The following CHRNG variants were observed in gnomAD, a reference collection of about 807,000 sequenced individuals.
CHRNG encodes acetylcholine receptor subunit gamma.
A neutral mutation model predicts 65.2 loss-of-function variants in CHRNG; 72 were observed. The observed-to-expected ratio is 1.10, with a 90% CI of 0.91 to 1.34. The LOEUF is 1.34. Ranked by LOEUF, CHRNG falls within the 40% of genes most tolerant of loss-of-function variation. The probability of loss-of-function intolerance (pLI) is 0.00; values close to 1 mark genes in which losing one functional copy is unlikely to be tolerated. For synonymous variants in CHRNG, 284 were observed against 290.2 expected (o/e 0.98, Z 0.22); for missense variants, 637 against 680.1 (o/e 0.94, Z 0.70).
chr2:232,540,269 T>TG lies in CHRNG; in HGVS notation c.196-106dup. On this transcript the variant is annotated intron_variant, in intron 2 of 11. Coordinates refer to ENST00000651502, the MANE Select transcript of CHRNG (RefSeq NM_005199.5). This position sits in a 1 kb window ranked among gnomAD's most constrained non-coding sequence, Gnocchi z 4.2. ...GGGGTCTGGAAAACCCCCATGGTTGTGGGGGGAGTACTATCAAGAGGCTGG... is the reference window on the plus strand; with the variant it reads ...GGGGTCTGGAAAACCCCCATGGTTGTGGGGGGGAGTACTATCAAGAGGCTGG... 2 of 1,597,810 alleles carry TG rather than the reference T, an allele frequency of 1.3e-6. No homozygotes were observed. The highest frequency in any genetic ancestry group is 1.7e-6 in the Non-Finnish European group (2 of 1,165,816).
chr2:232,544,895 T>G lies in CHRNG; in HGVS notation c.1373T>G (p.Phe458Cys), dbSNP rs140836265. ...IACARHQQSHFDNGNEEWFLV... is the reference protein window; with the variant it reads ...IACARHQQSHCDNGNEEWFLV... ...TGTGCCCGGCACCAGCAGAGTCACT[T>G]TGACAATGTAAGCTGAGTCAGGGTG... The change falls in exon 11 of 12, where the codon TTT becomes TGT. Residue 458 changes from phenylalanine to cysteine, a missense_variant. Coordinates refer to ENST00000651502, the MANE Select transcript of CHRNG (RefSeq NM_005199.5). 15 of 1,613,838 alleles carry G rather than the reference T, an allele frequency of 9.3e-6. No homozygotes were observed. The African/African-American group carries it at 1.9e-4, about 20-fold the overall frequency.
chr2:232,545,783 G>T lies in CHRNG; in HGVS notation c.*67G>T. 6.4e-7 allele frequency: 1 copy of T among 1,551,832 alleles called. No individual in the cohort carries two copies. The stretch of plus-strand genomic sequence containing the variant: ...GGTCACACTGAGTCTTATCAGCCAC[G>T]TTCTCCTACTGAGGTCCTAAGTGTG... On this transcript the variant is annotated 3_prime_UTR_variant, in exon 12 of 12. Coordinates refer to ENST00000651502, the MANE Select transcript of CHRNG (RefSeq NM_005199.5).
rs1691994615 is a variant in CHRNG, at chr2:232,540,554, G to A, written c.241-48G>A. The A allele has an allele frequency of 6.2e-7, 1 of 1,602,556 alleles. No homozygotes were observed. Among genetic ancestry groups the A allele is most frequent in the Non-Finnish European group, 8.5e-7 (1 of 1,175,482 alleles). On this transcript the variant is annotated intron_variant, in intron 3 of 11. Transcript: ENST00000651502. The surrounding 1 kb of genome is among the most constrained non-coding windows in gnomAD (Gnocchi z 4.2). ...GGGCTGGATGCCCACTCCTAGGGCT[G>A]TGGTGCAGCAGAGGGCAGAGGCCTA...
In CHRNG at chr2:232,540,438, C is replaced by T. The variant is rs918535217; in HGVS notation, c.240+13C>T. The stretch of plus-strand genomic sequence containing the variant: ...CTGGATAGAGATGGTAAGAGGCCAC[C>T]CTGCCACCCTCCTTCCATCAGGGGT... On this transcript the variant is annotated intron_variant, in intron 3 of 11. Coordinates refer to ENST00000651502, the MANE Select transcript of CHRNG (RefSeq NM_005199.5). The surrounding 1 kb of genome is among the most constrained non-coding windows in gnomAD (Gnocchi z 4.2). The T allele has an allele frequency of 5.0e-6, 8 of 1,613,508 alleles. No homozygotes were observed. The African/African-American group carries it at 9.3e-5, about 19-fold the overall frequency.
chr2:232,540,595 C>A lies in CHRNG; in HGVS notation c.241-7C>A, dbSNP rs780671690. On this transcript the variant is annotated splice_polypyrimidine_tract_variant and splice_region_variant and intron_variant, in intron 3 of 11. Coordinates refer to ENST00000651502, the MANE Select transcript of CHRNG (RefSeq NM_005199.5). This position sits in a 1 kb window ranked among gnomAD's most constrained non-coding sequence, Gnocchi z 4.2. Reference sequence around the variant, plus strand: ...CAGAGGCCTAGCAACTGCCCCTCCCCCTGCAGCAGTGGTGCGACTATCGCC... The same window carrying A: ...CAGAGGCCTAGCAACTGCCCCTCCCACTGCAGCAGTGGTGCGACTATCGCC... 1.2e-6 allele frequency: 2 copies of A among 1,610,540 alleles called. No individual in the cohort carries two copies. The highest frequency in any genetic ancestry group is 3.3e-5 in the Admixed American group (2 of 59,910).
Position 232,541,533 on chromosome 2 carries a change from A to C in CHRNG, c.506+4A>C. On this transcript the variant is annotated splice_donor_region_variant and intron_variant, in intron 5 of 11. Transcript: ENST00000651502. This position sits in a 1 kb window ranked among gnomAD's most constrained non-coding sequence, Gnocchi z 4.0. The stretch of plus-strand genomic sequence containing the variant: ...AGAACTGCTCCCTTATCTTCCAGTG[A>C]GGCCATTTATTGGGGAGGATTAAGA... 6.2e-7 allele frequency: 1 copy of C among 1,613,432 alleles called. No individual in the cohort carries two copies. Among genetic ancestry groups the C allele is most frequent in the South Asian group, 1.1e-5 (1 of 91,078 alleles).
chr2:232,547,923 A>G lies in CHRNG; in HGVS notation c.*2207A>G. On this transcript the variant is annotated 3_prime_UTR_variant, in exon 12 of 12. Transcript: ENST00000651502. ...GTAGGTCGAGGCATACCTCAAAGAC[A>G]TTGCAGGTTCAGTTCCAGACCAACA... 1 of 441,716 alleles carries G rather than the reference A, an allele frequency of 2.3e-6. No individual in the cohort carries two copies. Among genetic ancestry groups the G allele is most frequent in the Non-Finnish European group, 4.0e-6 (1 of 253,134 alleles). 27.4% of individuals were successfully genotyped at this position (441,716 alleles called of 1,614,324 possible).
intron 6 of CHRNG, 90 bp downstream of exon 6, chr2:232,542,610 C>A (rs1175555370): frequency 2.3e-6 from 2 of 881,138 alleles, no homozygotes; most frequent in East Asian, 2.5e-5. Flanking sequence ...GGTCAAATCC[C>A]TCCCATGTAA....
At chr2:232,545,026 G>A in intron 11 of CHRNG, 124 bp downstream of exon 11, 3 of 1,235,970 alleles carry the variant, frequency 2.4e-6, no homozygotes, top group Non-Finnish European at 3.5e-6. Flanking sequence ...GCCGGGTGCA[G>A]TGGGTCACAC....
In CHRNG at chr2:232,547,285, A is replaced by C. The variant is rs1255526385; in HGVS notation, c.*1569A>C. The stretch of plus-strand genomic sequence containing the variant: ...ATACAAAACTTAGCTGGGCGTGGTG[A>C]TGCATGCCTGTAGTCCCAGTTACTC... On this transcript the variant is annotated 3_prime_UTR_variant, in exon 12 of 12. Transcript: ENST00000651502. 2.0e-5 allele frequency among the ~76,000 whole-genome samples: 3 copies of C among 151,986 alleles called. No homozygotes were observed. Among genetic ancestry groups the C allele is most frequent in the Non-Finnish European group, 2.9e-5 (2 of 67,986 alleles).
chr2:232,543,518 C>A (rs1405654824), intron 8 of CHRNG, 67 bp from the exon 9 acceptor site: 5 of 1,251,910 alleles, frequency 4.0e-6, no homozygotes, highest in South Asian at 3.7e-5. Context: ...TGAGGGGGGG[C>A]AGCCACTAAG....
Position 232,543,510 on chromosome 2 carries a change from AG to A in CHRNG, c.921-68del, listed in dbSNP as rs10714586. 0.98 allele frequency: 1,140,855 copies of A among 1,165,938 alleles called. 558,385 individuals carry two copies. The highest frequency in any genetic ancestry group is 1 in the East Asian group (41,687 of 41,688). 72.2% of individuals were successfully genotyped at this position (1,165,938 alleles called of 1,614,324 possible). A position where few individuals can be genotyped will look rare whatever the true frequency, so the allele number is the denominator to read the frequency against. On this transcript the variant is annotated intron_variant, in intron 8 of 11. Coordinates refer to ENST00000651502, the MANE Select transcript of CHRNG (RefSeq NM_005199.5). ...CCCCATCCTCAATTCAGGAGGCCTG[AG>A]GGGGGGCAGCCACTAAGCGTGGGGG...
Position 232,544,358 on chromosome 2 carries a change from C to T in CHRNG, c.1036-9C>T, listed in dbSNP as rs769731616. On this transcript the variant is annotated splice_polypyrimidine_tract_variant and intron_variant, in intron 9 of 11. Coordinates refer to ENST00000651502, the MANE Select transcript of CHRNG (RefSeq NM_005199.5). The stretch of plus-strand genomic sequence containing the variant: ...GCCTGCTGCCCTAGTGAAGCCACCC[C>T]CTCTCTAGGTGTTCCTGAGGCTCTT... 15 of 1,610,966 alleles carry T rather than the reference C, an allele frequency of 9.3e-6. No individual in the cohort carries two copies. The highest frequency in any genetic ancestry group is 1.3e-5 in the Non-Finnish European group (15 of 1,178,160).
rs552449997 is a variant in CHRNG at position 232,540,540 on chromosome 2, C to T, written c.241-62C>T. ...TCTTCTGTCCTCTTGGGCTGGATGCCCACTCCTAGGGCTGTGGTGCAGCAG... is the reference window on the plus strand; with the variant it reads ...TCTTCTGTCCTCTTGGGCTGGATGCTCACTCCTAGGGCTGTGGTGCAGCAG... On this transcript the variant is annotated intron_variant, in intron 3 of 11. Coordinates refer to ENST00000651502, the MANE Select transcript of CHRNG (RefSeq NM_005199.5). This position sits in a 1 kb window ranked among gnomAD's most constrained non-coding sequence, Gnocchi z 4.2. 8 of 1,600,590 alleles carry T rather than the reference C, an allele frequency of 5.0e-6. No homozygotes were observed. In the African/African-American group the frequency reaches 8.0e-5, roughly 16 times the overall value.
intron 7 of CHRNG, 74 bp downstream of exon 7, chr2:232,543,156 G>A (rs1692052696): frequency 6.5e-7 from 1 of 1,545,604 alleles, no homozygotes; most frequent in African/African-American, 1.4e-5. Flanking sequence ...GGCCCTGCCT[G>A]GGGAACAGAG....
At position 232,541,275 on chromosome 2, in the gene CHRNG, C is replaced by A; in HGVS notation, c.351-99C>A. On this transcript the variant is annotated intron_variant, in intron 4 of 11. Transcript: ENST00000651502. The surrounding 1 kb of genome is among the most constrained non-coding windows in gnomAD (Gnocchi z 4.0). Reference sequence around the variant, plus strand: ...GACAGGCTGGTAGGGACTGGTGTCCCCAGGCCCCTATCCACATGGGGCACA... The same window carrying A: ...GACAGGCTGGTAGGGACTGGTGTCCACAGGCCCCTATCCACATGGGGCACA... 2 of 1,482,924 alleles carry A rather than the reference C, an allele frequency of 1.3e-6. No individual in the cohort carries two copies. Among genetic ancestry groups the A allele is most frequent in the Non-Finnish European group, 9.4e-7 (1 of 1,067,868 alleles). The allele number at this position is 1,482,924 out of a possible 1,614,324, so 91.9% of individuals were successfully genotyped here.
rs35832336 is a variant in CHRNG, at chr2:232,546,998, C to G, written c.*1282C>G. The stretch of plus-strand genomic sequence containing the variant: ...GTCTTCCTGGGGGAGAGGCAAGGTC[C>G]TGCTCTGAGATTACAGCCGGCACAC... On this transcript the variant is annotated 3_prime_UTR_variant, in exon 12 of 12. Transcript: ENST00000651502. Among the ~76,000 whole-genome samples the G allele has an allele frequency of 0.25, 37,561 of 152,072 alleles. 5,266 individuals carry two copies. Among genetic ancestry groups the G allele is most frequent in the East Asian group, 0.42 (2,159 of 5,162 alleles).
Position 232,548,030 on chromosome 2 carries a change from A to G in CHRNG, c.*2314A>G. On this transcript the variant is annotated 3_prime_UTR_variant, in exon 12 of 12. Coordinates refer to ENST00000651502, the MANE Select transcript of CHRNG (RefSeq NM_005199.5). ...TTACACTATACTGTAGACCAGCAAGAGTGCAATAGCATTGTCTAATAAAAC... is the reference window on the plus strand; with the variant it reads ...TTACACTATACTGTAGACCAGCAAGGGTGCAATAGCATTGTCTAATAAAAC... 1.9e-6 allele frequency: 1 copy of G among 540,052 alleles called. No individual in the cohort carries two copies. Among genetic ancestry groups the G allele is most frequent in the Non-Finnish European group, 3.2e-6 (1 of 308,720 alleles). The allele number at this position is 540,052 out of a possible 1,614,324, so 33.5% of individuals were successfully genotyped here. A position where few individuals can be genotyped will look rare whatever the true frequency, so the allele number is the denominator to read the frequency against.
rs1574646415 is a variant in CHRNG, at chr2:232,544,374, T to C, written c.1043T>C (p.Leu348Pro). The C allele has an allele frequency of 9.9e-6, 16 of 1,613,140 alleles. No individual in the cohort carries two copies. The East Asian group carries it at 3.6e-4, about 36-fold the overall frequency. The part of the protein sequence containing the change: ...SMARGVRKVF[L>P]RLLPQLLRMH... ...AAGCCACCCCCTCTCTAGGTGTTCCTGAGGCTCTTGCCCCAGCTGCTGAGG... is the reference window on the plus strand; with the variant it reads ...AAGCCACCCCCTCTCTAGGTGTTCCCGAGGCTCTTGCCCCAGCTGCTGAGG... Residue 348 changes from leucine (L) to proline (P), a missense_variant, in exon 10 of 12, where the codon CTG (leucine) becomes CCG (proline). Leu to Pro is a moderately conservative substitution (Grantham distance 98). Transcript: ENST00000651502.
Sources: allele counts gnomAD v4.1 joint callset (sites outside exome capture counted in the v4.1 genomes callset), GRCh38; gene constraint gnomAD v4.1.1; non-coding constraint Gnocchi (gnomAD v3.1); transcripts MANE v1.5; gene names NCBI Gene and HGNC (gene_info 2026-07-23, HGNC 2026-07-21).